The following DAB2 variants were observed in gnomAD, a reference collection of about 807,000 sequenced individuals.
DAB2 encodes the protein DAB adaptor protein 2, also known as disabled homolog 2.
DAB2 carries 28 observed loss-of-function variants against 71.6 expected under a neutral mutation model. That is an observed-to-expected ratio of 0.39 (90% CI 0.29 to 0.54). The LOEUF (loss-of-function observed/expected upper bound fraction) is 0.54, where lower values mean the gene tolerates loss of function less well. DAB2 is among the 20% of genes least tolerant of loss of function. DAB2 has a pLI of 0.68. For synonymous variants in DAB2, 345 were observed against 339.7 expected (o/e 1.02, Z -0.17); for missense variants, 867 against 928.8 (o/e 0.93, Z 0.86).
intron 14 of DAB2, 29 bp downstream of exon 14, chr5:39,374,985 A>C: frequency 6.9e-7 from 1 of 1,450,822 alleles, no homozygotes; most frequent in Non-Finnish European, 9.7e-7. Flanking sequence ...AAAACCCCTG[A>C]GACAGGCTTA....
chr5:39,408,898 G>C (rs1755662134), intron 1 of DAB2: 1 of 152,068 alleles, frequency 6.6e-6, no homozygotes, highest in African/African-American at 2.4e-5. Context: ...CTACGAGTAA[G>C]AATATATTCC....
chr5:39,384,993 A>T (rs1192218656), intron 9 of DAB2, among the ~76,000 whole-genome samples: 3 of 152,120 alleles, frequency 2.0e-5, no homozygotes. Context: ...AGAAAAAAAA[A>T]TACCCAATTG....
chr5:39,418,804 T>A (rs1235166572), intron 1 of DAB2, among the ~76,000 whole-genome samples: 1 of 152,218 alleles, frequency 6.6e-6, no homozygotes, highest in East Asian at 1.9e-4. Context: ...TTAAAAAATA[T>A]CAGCTTAGTT....
intron 1 of DAB2, among the ~76,000 whole-genome samples, chr5:39,409,936 C>T (rs529508426): frequency 2.6e-5 from 4 of 152,294 alleles, no homozygotes; most frequent in Admixed American, 2.6e-4. Context: ...CACACATCTT[C>T]TTTCTTGGTT....
intron 9 of DAB2, chr5:39,387,732 T>G (rs781642559): frequency 6.6e-6 from 1 of 151,718 alleles, no homozygotes; most frequent in Non-Finnish European, 1.5e-5. Context: ...TTTTTTTTAA[T>G]TTATAAAGGA....
At chr5:39,413,448 CT>C (rs939861617) in intron 1 of DAB2, among the ~76,000 whole-genome samples, 10 of 152,094 alleles carry the variant, frequency 6.6e-5, no homozygotes, top group African/African-American at 1.9e-4. Flanking sequence ...AAGGGCCCCC[CT>C]AATGTCTGCT....
intron 1 of DAB2, among the ~76,000 whole-genome samples, chr5:39,404,276 G>C (rs973429315): frequency 6.7e-6 from 1 of 149,848 alleles, no homozygotes; most frequent in Non-Finnish European, 1.5e-5. Flanking sequence ...GATAGCATTA[G>C]GAGATATACC....
chr5:39,404,402 A>T (rs1755565520), intron 1 of DAB2, among the ~76,000 whole-genome samples: 1 of 144,544 alleles, frequency 6.9e-6, no homozygotes, highest in Non-Finnish European at 1.5e-5. Flanking sequence ...AATAAAAAAA[A>T]AGAAAAAGTA....
chr5:39,383,242 T>G lies in DAB2; in HGVS notation c.717A>C (p.Leu239=). 6.2e-7 allele frequency: 1 copy of G among 1,612,560 alleles called. No homozygotes were observed. Among genetic ancestry groups the G allele is most frequent in the Non-Finnish European group, 8.5e-7 (1 of 1,178,948 alleles). ...TCTGATTGGTGTCGATTTCAGAGTT[T>G]AGATCCACTAACAGGATATCTTTGC... The part of the protein sequence containing the change: ...TESKDILLVD[L]NSEIDTNQNS... The change falls in exon 10 of 15, where the codon CTA becomes CTC. Residue 239 remains leucine, a synonymous_variant. Transcript: ENST00000320816.
At chr5:39,409,456 A>T (rs1755673267) in intron 1 of DAB2, among the ~76,000 whole-genome samples, 1 of 152,198 alleles carries the variant, frequency 6.6e-6, no homozygotes, top group Non-Finnish European at 1.5e-5. Flanking sequence ...GCAGAAATAG[A>T]TGAGCATAGA....
intron 1 of DAB2, among the ~76,000 whole-genome samples, chr5:39,400,201 T>C (rs1269577267): frequency 6.6e-6 from 1 of 151,910 alleles, no homozygotes; most frequent in Non-Finnish European, 1.5e-5. Flanking sequence ...GAACACTTAT[T>C]CCGAAAGGCC....
At position 39,389,651 on chromosome 5, in the gene DAB2, A is replaced by G. The variant is rs146179431; in HGVS notation, c.543+201T>C. Among the ~76,000 whole-genome samples the G allele has an allele frequency of 4.7e-3, 710 of 152,188 alleles. 8 individuals are homozygous for G. Among genetic ancestry groups the G allele is most frequent in the African/African-American group, 0.017 (691 of 41,508 alleles). On this transcript the variant is annotated intron_variant, in intron 6 of 14. Transcript: ENST00000320816. ...TTCAGACGCCCAAGTAGCTGGGATT[A>G]CAGGTGCCCACCACCACCCCTGGCT...
At chr5:39,388,899 A>C (rs979786777) in intron 7 of DAB2, 47 bp from the exon 8 acceptor site, 3 of 1,530,962 alleles carry the variant, frequency 2.0e-6, no homozygotes, top group Admixed American at 3.3e-5. Context: ...CTTTGTCTAT[A>C]AAATGTATTT....
Position 39,382,343 on chromosome 5 carries a change from T to C in DAB2, c.1341+275A>G, listed in dbSNP as rs573837430. 4.3e-4 allele frequency among the ~76,000 whole-genome samples: 65 copies of C among 152,278 alleles called. No homozygotes were observed. In the South Asian group the frequency reaches 0.013, roughly 31 times the overall value. On this transcript the variant is annotated intron_variant, in intron 10 of 14. Transcript: ENST00000320816. ...CAAACTTACCAGAGGTATAGAAGCA[T>C]AGCAGCATTAAAAATGGAAAAACTT... is the stretch of plus-strand genomic sequence containing the variant.
At chr5:39,402,268 C>G (rs981602600) in intron 1 of DAB2, among the ~76,000 whole-genome samples, 1 of 152,126 alleles carries the variant, frequency 6.6e-6, no homozygotes, top group African/African-American at 2.4e-5. Context: ...ACTATTAAAC[C>G]AAAGCTAGGT....
chr5:39,375,865 G>T, intron 13 of DAB2, 132 bp downstream of exon 13: 2 of 716,246 alleles, frequency 2.8e-6, no homozygotes, highest in South Asian at 3.6e-5. Flanking sequence ...CAGCCTGGCC[G>T]ACAGAGCAAG....
chr5:39,397,155 G>A (rs567787157), intron 1 of DAB2, among the ~76,000 whole-genome samples: 17 of 152,146 alleles, frequency 1.1e-4, no homozygotes, highest in Non-Finnish European at 2.2e-4. Context: ...AGCAGCAAGA[G>A]TTTCTTCCTA....
chr5:39,395,003 A>G (rs1273760159), intron 1 of DAB2, among the ~76,000 whole-genome samples: 3 of 152,196 alleles, frequency 2.0e-5, no homozygotes, highest in Non-Finnish European at 4.4e-5. Flanking sequence ...ACTTATTTGT[A>G]TCAGGGAAAT....
At chr5:39,416,980 C>T (rs571224070) in intron 1 of DAB2, among the ~76,000 whole-genome samples, 1 of 152,128 alleles carries the variant, frequency 6.6e-6, no homozygotes, top group Non-Finnish European at 1.5e-5. Context: ...AATCTCCACT[C>T]AAACACATTC....
Sources: gnomAD v4.1 joint callset for allele counts (sites outside exome capture counted in the v4.1 genomes callset) on GRCh38, gnomAD v4.1.1 for gene constraint, MANE v1.5 for transcripts, NCBI Gene and HGNC (gene_info 2026-07-23, HGNC 2026-07-21) for gene names.